Variants in TSHZ2 observed in about 807,000 individuals in gnomAD.
TSHZ2 encodes the protein teashirt homolog 2.
In TSHZ2, 21 loss-of-function variants were observed where a neutral mutation model predicts 74.4. That is an observed-to-expected ratio of 0.28 (90% CI 0.20 to 0.41). The LOEUF is 0.41. TSHZ2 is among the 10% of genes least tolerant of loss of function. The pLI is 1.00. For missense variants in TSHZ2, 1,244 were observed against 1,293.5 expected, an observed-to-expected ratio of 0.96 and a Z score of 0.59; for synonymous variants, 540 against 515.3, an observed-to-expected ratio of 1.05 and a Z score of -0.65.
intron 1 of TSHZ2, among the ~76,000 whole-genome samples, chr20:53,128,170 A>G (rs1568772689): frequency 7.3e-6 from 1 of 137,926 alleles, no homozygotes; most frequent in African/African-American, 2.9e-5. Context: ...CCTAAGTTAG[A>G]TGGTGGTGGG....
At chr20:53,118,744 T>A (rs1016029762) in intron 1 of TSHZ2, among the ~76,000 whole-genome samples, 6 of 152,146 alleles carry the variant, frequency 3.9e-5, no homozygotes, top group Non-Finnish European at 7.3e-5. Context: ...ACAATAGCCA[T>A]AGAATGGCCA....
At chr20:53,261,530 C>T (rs969266725) in intron 2 of TSHZ2, among the ~76,000 whole-genome samples, 1 of 152,186 alleles carries the variant, frequency 6.6e-6, no homozygotes, top group Non-Finnish European at 1.5e-5. Context: ...TCTAGCATCT[C>T]TCAAGCAGCA....
At chr20:53,306,208 C>CT (rs1202771380) in intron 2 of TSHZ2, among the ~76,000 whole-genome samples, 1 of 152,158 alleles carries the variant, frequency 6.6e-6, no homozygotes, top group Non-Finnish European at 1.5e-5. Context: ...GACAAGAGGA[C>CT]TGGGTAGAGC....
chr20:53,282,597 G>T (rs965861700), intron 2 of TSHZ2, among the ~76,000 whole-genome samples: 1 of 152,180 alleles, frequency 6.6e-6, no homozygotes, highest in Non-Finnish European at 1.5e-5. Flanking sequence ...CATATTCACC[G>T]AATGGACCTC....
chr20:53,026,966 G>A (rs563619963), intron 1 of TSHZ2, among the ~76,000 whole-genome samples: 2 of 151,714 alleles, frequency 1.3e-5, no homozygotes, highest in South Asian at 4.2e-4. Flanking sequence ...TGTTTATAAA[G>A]ACAGCGAGAC....
chr20:53,189,381 CTG>C (rs1988676176), intron 1 of TSHZ2, among the ~76,000 whole-genome samples: 1 of 152,208 alleles, frequency 6.6e-6, no homozygotes, highest in Admixed American at 6.5e-5. Flanking sequence ...CTGTTCAGCT[CTG>C]TGCAAGAAAT....
chr20:53,461,227 G>C (rs537617432), intron 2 of TSHZ2, among the ~76,000 whole-genome samples: 30 of 152,124 alleles, frequency 2.0e-4, no homozygotes, highest in African/African-American at 5.1e-4. Context: ...AGCCAGGTGC[G>C]GGATATAATC....
intron 1 of TSHZ2, among the ~76,000 whole-genome samples, chr20:52,996,017 T>A (rs1982173113): frequency 6.6e-6 from 1 of 152,218 alleles, no homozygotes; most frequent in South Asian, 2.1e-4. Flanking sequence ...GCATGCTAAG[T>A]ACATAGTAAG....
At chr20:53,194,963 G>T (rs1988825822) in intron 1 of TSHZ2, among the ~76,000 whole-genome samples, 1 of 152,170 alleles carries the variant, frequency 6.6e-6, no homozygotes, top group Non-Finnish European at 1.5e-5. Context: ...TAAATTAACA[G>T]TCCTCTCCTC....
chr20:53,146,900 G>A (rs1453461308), intron 1 of TSHZ2, among the ~76,000 whole-genome samples: 3 of 152,098 alleles, frequency 2.0e-5, no homozygotes, highest in African/African-American at 4.8e-5. Context: ...TTCAGGACCC[G>A]TATTAATAAC....
chr20:53,384,295 G>A (rs901905655), intron 2 of TSHZ2, among the ~76,000 whole-genome samples: 5 of 152,220 alleles, frequency 3.3e-5, no homozygotes, highest in African/African-American at 9.6e-5. Flanking sequence ...TACTGAAGGC[G>A]AGGGATTTGA....
chr20:53,138,165 G>A (rs1389410430), intron 1 of TSHZ2, among the ~76,000 whole-genome samples: 1 of 152,130 alleles, frequency 6.6e-6, no homozygotes, highest in Non-Finnish European at 1.5e-5. Context: ...GGCAGATCAT[G>A]AGGTCAGGAG....
intron 1 of TSHZ2, among the ~76,000 whole-genome samples, chr20:52,989,154 C>T (rs1010799792): frequency 2.4e-4 from 30 of 125,326 alleles, no homozygotes; most frequent in Admixed American, 1.3e-3. Context: ...TCATGATAGA[C>T]TCTGTCTGGC....
chr20:53,209,808 G>A (rs1019503980), intron 1 of TSHZ2, among the ~76,000 whole-genome samples: 1 of 152,160 alleles, frequency 6.6e-6, no homozygotes, highest in Non-Finnish European at 1.5e-5. Context: ...GGAACCTGCA[G>A]ATGTGAAAAC....
In TSHZ2 at chr20:53,177,306, C is replaced by T. The variant is rs115010832; in HGVS notation, c.41-76193C>T. 4.2e-3 allele frequency among the ~76,000 whole-genome samples: 640 copies of T among 152,262 alleles called. 3 individuals carry two copies. Among genetic ancestry groups the T allele is most frequent in the African/African-American group, 0.014 (597 of 41,542 alleles). ...AGATTCCAATACAGGTTAAAATTGC[C>T]GTGGCTCATGTGAAGATGAAGAGTT... On this transcript the variant is annotated intron_variant, in intron 1 of 2. Coordinates refer to ENST00000371497, the MANE Select transcript of TSHZ2 (RefSeq NM_173485.6).
chr20:53,189,135 C>T (rs2123535332), intron 1 of TSHZ2, among the ~76,000 whole-genome samples: 1 of 152,266 alleles, frequency 6.6e-6, no homozygotes, highest in East Asian at 1.9e-4. Flanking sequence ...AAAAACTTTC[C>T]CCTGAAATTC....
intron 1 of TSHZ2, among the ~76,000 whole-genome samples, chr20:52,995,504 G>A (rs1982149209): frequency 6.6e-6 from 1 of 152,170 alleles, no homozygotes; most frequent in African/African-American, 2.4e-5. Context: ...TGCATGCAGA[G>A]CCAGCAGAGT....
At chr20:53,044,859 A>G (rs928767332) in intron 1 of TSHZ2, among the ~76,000 whole-genome samples, 1 of 152,028 alleles carries the variant, frequency 6.6e-6, no homozygotes, top group Non-Finnish European at 1.5e-5. Context: ...ACAGGTGCAC[A>G]CCACCATGCC....
At chr20:53,029,793 GT>G (rs1983571409) in intron 1 of TSHZ2, among the ~76,000 whole-genome samples, 1 of 152,142 alleles carries the variant, frequency 6.6e-6, no homozygotes, top group African/African-American at 2.4e-5. Context: ...CACATTTTGT[GT>G]TTTATAAAAC....
Sources: gnomAD v4.1 joint callset for allele counts (sites outside exome capture counted in the v4.1 genomes callset) on GRCh38, gnomAD v4.1.1 for gene constraint, MANE v1.5 for transcripts, NCBI Gene and HGNC (gene_info 2026-07-23, HGNC 2026-07-21) for gene names.